SH3YL1: variants seen among roughly 807,000 people sequenced by gnomAD.
SH3YL1 encodes the protein SH3 domain-containing YSC84-like protein 1.
A neutral mutation model predicts 45.8 loss-of-function variants in SH3YL1; 41 were observed. The observed-to-expected ratio is 0.89, with a 90% confidence interval of 0.70 to 1.16. The LOEUF (loss-of-function observed/expected upper bound fraction) is 1.16, where lower values mean the gene tolerates loss of function less well. SH3YL1 is among the 50% of genes most tolerant of loss of function. SH3YL1 has a pLI of 0.00. For synonymous variants in SH3YL1, 152 were observed against 151.4 expected (o/e 1.00, Z -0.03); for missense variants, 389 against 409.6 (o/e 0.95, Z 0.43).
At chr2:230,364 G>GT (rs1667982390) in intron 7 of SH3YL1, 2 of 206,816 alleles carry the variant, frequency 9.7e-6, no homozygotes, top group Admixed American at 1.1e-4. Flanking sequence ...GGCAGAGGCA[G>GT]TGACAGACAA....
chr2:223,249 CT>C lies in SH3YL1; in HGVS notation c.838+1614del, dbSNP rs754541828. 3.7e-4 allele frequency among the ~76,000 whole-genome samples: 56 copies of C among 152,298 alleles called. 1 individual carries two copies. The highest frequency in any genetic ancestry group is 7.2e-4 in the Non-Finnish European group (49 of 68,032). ...CCACAGCCCACTTAGAGTTTAATTT[CT>C]TATCAGGAAACGTTTTTCCTTGGTG... On this transcript the variant is annotated intron_variant, in intron 9 of 9. Transcript: ENST00000356150.
chr2:219,838 C>T (rs528843576), intron 9 of SH3YL1, among the ~76,000 whole-genome samples: 2 of 151,878 alleles, frequency 1.3e-5, no homozygotes, highest in Non-Finnish European at 2.9e-5. Flanking sequence ...CATTTCTGTG[C>T]TTAATTGATC....
At chr2:262,778 A>C (rs1437388634) in intron 1 of SH3YL1, 18 of 1,103,172 alleles carry the variant, frequency 1.6e-5, no homozygotes, top group Non-Finnish European at 2.0e-5. Context: ...TCTTGAGAAT[A>C]AAGTTTTCCT....
intron 4 of SH3YL1, among the ~76,000 whole-genome samples, chr2:236,673 G>A (rs1668316845): frequency 6.6e-6 from 1 of 152,170 alleles, no homozygotes; most frequent in African/African-American, 2.4e-5. Context: ...AATAAAACAT[G>A]CAAAGGTCAA....
Position 218,629 on chromosome 2 carries a change from G to A in SH3YL1, c.*182C>T, listed in dbSNP as rs1667447965. 1 of 568,354 alleles carries A rather than the reference G, an allele frequency of 1.8e-6. No homozygotes were observed. The highest frequency in any genetic ancestry group is 3.2e-5 in the Admixed American group (1 of 30,932). 35.2% of individuals were successfully genotyped at this position (568,354 alleles called of 1,614,324 possible). A position where few individuals can be genotyped will look rare whatever the true frequency, so the allele number is the denominator to read the frequency against. On this transcript the variant is annotated 3_prime_UTR_variant, in exon 10 of 10. Coordinates refer to ENST00000356150, the MANE Select transcript of SH3YL1 (RefSeq NM_015677.4). ...GTAAGTGTGATAAAGTTAGTACAAA[G>A]TATTTAAAGATATGTCAGTCAGCTC...
chr2:262,708 C>T (rs1248862866), intron 1 of SH3YL1: 2 of 1,294,034 alleles, frequency 1.5e-6, no homozygotes, highest in South Asian at 2.5e-5. Flanking sequence ...CCTTTGACTG[C>T]CTCAACTTCC....
At chr2:227,917 A>G (rs1486127162) in intron 8 of SH3YL1, among the ~76,000 whole-genome samples, 2 of 152,092 alleles carry the variant, frequency 1.3e-5, no homozygotes, top group Non-Finnish European at 2.9e-5. Context: ...GTGTAAGGAT[A>G]TGTAAATAAA....
intron 1 of SH3YL1, chr2:255,982 A>C (rs918729218): frequency 1.3e-5 from 2 of 152,188 alleles, no homozygotes; most frequent in African/African-American, 2.4e-5. Flanking sequence ...ACAATTTACA[A>C]AATGAAATCT....
Position 218,463 on chromosome 2 carries a change from T to C in SH3YL1, c.*348A>G, listed in dbSNP as rs772148833. Reference sequence around the variant, plus strand: ...CACTTTGCAAATGGAAATGTAAGAATTGAAATTTGTGGCTCTACCCTCAAG... The same window carrying C: ...CACTTTGCAAATGGAAATGTAAGAACTGAAATTTGTGGCTCTACCCTCAAG... On this transcript the variant is annotated 3_prime_UTR_variant, in exon 10 of 10. Transcript: ENST00000356150. The C allele has an allele frequency of 8.9e-5, 16 of 180,736 alleles. No individual in the cohort carries two copies. Among genetic ancestry groups the C allele is most frequent in the African/African-American group, 2.1e-4 (9 of 42,608 alleles). 11.2% of individuals were successfully genotyped at this position (180,736 alleles called of 1,614,324 possible).
At chr2:233,307 CT>C in intron 5 of SH3YL1, 78 bp from the exon 6 acceptor site, 1 of 1,331,582 alleles carries the variant, frequency 7.5e-7, no homozygotes, top group Admixed American at 3.0e-5. Context: ...AGCACTCCTT[CT>C]AGCTCAAATG....
At chr2:250,746 T>C (rs1487705374) in intron 2 of SH3YL1, among the ~76,000 whole-genome samples, 1 of 152,220 alleles carries the variant, frequency 6.6e-6, no homozygotes, top group Non-Finnish European at 1.5e-5. Flanking sequence ...CATGTAATTA[T>C]GCCACCATTT....
intron 9 of SH3YL1, 151 bp from the exon 10 acceptor site, chr2:219,152 C>G: frequency 1.8e-6 from 1 of 548,640 alleles, no homozygotes; most frequent in Non-Finnish European, 3.1e-6. Flanking sequence ...ATTTTCATCA[C>G]ATTATTAAAC....
intron 2 of SH3YL1, among the ~76,000 whole-genome samples, chr2:250,599 C>T (rs528627544): frequency 6.6e-6 from 1 of 152,272 alleles, no homozygotes; most frequent in Admixed American, 6.5e-5. Flanking sequence ...ACGAGGGAAG[C>T]CTAACATATA....
In SH3YL1 at chr2:250,412, T is replaced by C. The variant is rs112341717; in HGVS notation, c.113-568A>G. 5.3e-3 allele frequency among the ~76,000 whole-genome samples: 810 copies of C among 152,360 alleles called. 10 individuals are homozygous for C. Among genetic ancestry groups the C allele is most frequent in the African/African-American group, 0.019 (772 of 41,584 alleles). On this transcript the variant is annotated intron_variant, in intron 2 of 9. Transcript: ENST00000356150. ...TTTATAAAATGATCTGCTATAGCAT[T>C]TGAGTACCACTTAACTATTAGTACA...
At chr2:239,686 T>C (rs1432492875) in intron 4 of SH3YL1, 2 of 152,208 alleles carry the variant, frequency 1.3e-5, no homozygotes, top group African/African-American at 4.8e-5. Context: ...CATCCCACTG[T>C]AGAATGTATC....
At chr2:237,482 G>C (rs1668360055) in intron 4 of SH3YL1, among the ~76,000 whole-genome samples, 1 of 152,002 alleles carries the variant, frequency 6.6e-6, no homozygotes, top group Admixed American at 6.6e-5. Context: ...CAGGAATCTG[G>C]AGGAGCTGAA....
At chr2:240,587 A>T (rs1294405310) in intron 4 of SH3YL1, 1 of 152,224 alleles carries the variant, frequency 6.6e-6, no homozygotes, top group Non-Finnish European at 1.5e-5. Context: ...TGAAATAGAA[A>T]TGAGCCTCAA....
chr2:247,930 A>G (rs1668902828), intron 3 of SH3YL1, among the ~76,000 whole-genome samples: 2 of 152,168 alleles, frequency 1.3e-5, no homozygotes, highest in African/African-American at 4.8e-5. Context: ...AACTGTCAAT[A>G]TTTTTATAGA....
chr2:256,229 T>C (rs1215939056), intron 1 of SH3YL1: 1 of 152,242 alleles, frequency 6.6e-6, no homozygotes, highest in Non-Finnish European at 1.5e-5. Context: ...GAGACTCAAA[T>C]TGCTGCACAG....
Sources: gnomAD v4.1 joint callset for allele counts (sites outside exome capture counted in the v4.1 genomes callset) on GRCh38, gnomAD v4.1.1 for gene constraint, MANE v1.5 for transcripts, NCBI Gene and HGNC (gene_info 2026-07-23, HGNC 2026-07-21) for gene names.